The following ILKAP variants were observed in gnomAD, a reference collection of about 807,000 sequenced individuals.
ILKAP encodes the protein integrin-linked kinase-associated serine/threonine phosphatase 2C.
Under a neutral mutation model 49.1 loss-of-function variants are expected in ILKAP, and 11 were observed. The observed-to-expected ratio is 0.22, with a 90% CI of 0.14 to 0.37. The LOEUF (loss-of-function observed/expected upper bound fraction) is 0.37. Ranked by LOEUF, ILKAP falls within the 10% of genes least tolerant of loss-of-function variation. The pLI is 1.00. For missense variants in ILKAP, 363 were observed against 510.8 expected (o/e 0.71, Z 2.79); for synonymous variants, 186 against 192.8 (o/e 0.96, Z 0.29).
intron 2 of ILKAP, 168 bp downstream of exon 2, chr2:238,194,634 TAGC>T (rs1694271952): frequency 1.5e-6 from 1 of 660,216 alleles, no homozygotes; most frequent in Non-Finnish European, 2.6e-6. Flanking sequence ...GGCTAGCGAC[TAGC>T]AGATTTTTCT....
rs202007912 is a variant in ILKAP at position 238,184,009 on chromosome 2, G to A, written c.626+11C>T. On this transcript the variant is annotated intron_variant, in intron 7 of 11. Transcript: ENST00000254654. ...CAGTCCACTCAAACTTCATCATCAAGTTATACTTACTGGCTGGAAGCTTGT... is the reference window on the plus strand; with the variant it reads ...CAGTCCACTCAAACTTCATCATCAAATTATACTTACTGGCTGGAAGCTTGT... 9.4e-5 allele frequency: 144 copies of A among 1,533,618 alleles called. No homozygotes were observed. The highest frequency in any genetic ancestry group is 1.7e-4 in the Middle Eastern group (1 of 5,932).
At chr2:238,177,480 T>A (rs1693510901) in intron 9 of ILKAP, among the ~76,000 whole-genome samples, 1 of 152,158 alleles carries the variant, frequency 6.6e-6, no homozygotes, top group African/African-American at 2.4e-5. Flanking sequence ...AACCCCACGA[T>A]TCATTCCCCA....
intron 3 of ILKAP, among the ~76,000 whole-genome samples, chr2:238,190,848 C>A (rs1694088809): frequency 1.4e-5 from 2 of 138,084 alleles, no homozygotes; most frequent in Admixed American, 1.6e-4. Context: ...TTGAGACCTG[C>A]CTGGGCAAAG....
chr2:238,173,983 A>G (rs1196818289), intron 9 of ILKAP: 1 of 252,398 alleles, frequency 4.0e-6, no homozygotes, highest in Non-Finnish European at 7.6e-6. Context: ...ATCGGATTTG[A>G]CTGACTGGGT....
chr2:238,183,263 G>A (rs2106332167), intron 8 of ILKAP, among the ~76,000 whole-genome samples: 1 of 152,296 alleles, frequency 6.6e-6, no homozygotes, highest in South Asian at 2.1e-4. Context: ...AACTTTGATA[G>A]GCAGGGGTTA....
At chr2:238,184,767 T>C (rs1693837248) in intron 6 of ILKAP, among the ~76,000 whole-genome samples, 1 of 151,782 alleles carries the variant, frequency 6.6e-6, no homozygotes, top group African/African-American at 2.4e-5. Context: ...TCTCCCTATG[T>C]TGCCAGGCTG....
intron 5 of ILKAP, chr2:238,186,871 T>C (rs1003184031): frequency 1.3e-5 from 2 of 152,340 alleles, no homozygotes; most frequent in Middle Eastern, 3.4e-3. Context: ...TGCCTGTTAT[T>C]TGCAAGGCAT....
At chr2:238,197,003 C>T (rs1203895316) in intron 1 of ILKAP, among the ~76,000 whole-genome samples, 6 of 152,136 alleles carry the variant, frequency 3.9e-5, no homozygotes, top group Non-Finnish European at 5.9e-5. Context: ...TCAAGATGAG[C>T]CTGACCAACA....
intron 1 of ILKAP, among the ~76,000 whole-genome samples, chr2:238,198,427 C>T (rs1329639442): frequency 6.6e-6 from 1 of 151,910 alleles, no homozygotes; most frequent in Non-Finnish European, 1.5e-5. Flanking sequence ...TTTGTAGAGA[C>T]GGGGTCTCAC....
Position 238,178,495 on chromosome 2 carries a change from A to G in ILKAP, c.836+3570T>C, listed in dbSNP as rs1186359410. 5.3e-5 allele frequency among the ~76,000 whole-genome samples: 8 copies of G among 152,344 alleles called. No individual in the cohort carries two copies. In the East Asian group the frequency reaches 1.3e-3, roughly 26 times the overall value. On this transcript the variant is annotated intron_variant, in intron 9 of 11. Transcript: ENST00000254654. ...TGAGCCCTCTGCTCCCCTAGTAGTGATAATTTTGATACTATGAAACTGTTT... is the reference window on the plus strand; with the variant it reads ...TGAGCCCTCTGCTCCCCTAGTAGTGGTAATTTTGATACTATGAAACTGTTT...
chr2:238,200,717 G>C (rs1299835897), intron 1 of ILKAP, among the ~76,000 whole-genome samples: 1 of 152,206 alleles, frequency 6.6e-6, no homozygotes, highest in East Asian at 1.9e-4. Context: ...AGCTACCAAG[G>C]AGGCTGAGGT....
intron 4 of ILKAP, 149 bp from the exon 5 acceptor site, chr2:238,188,406 CT>C: frequency 9.1e-6 from 8 of 877,644 alleles, no homozygotes; most frequent in Non-Finnish European, 1.3e-5. Flanking sequence ...CTTAAGGCAT[CT>C]CCCCCAGCTG....
intron 9 of ILKAP, among the ~76,000 whole-genome samples, chr2:238,177,954 C>T (rs1010798374): frequency 2.0e-5 from 3 of 152,130 alleles, no homozygotes; most frequent in Non-Finnish European, 1.5e-5. Flanking sequence ...CAGGGGTTCT[C>T]ATTTTCTCCC....
intron 1 of ILKAP, among the ~76,000 whole-genome samples, chr2:238,200,476 G>A (rs1393095502): frequency 2.0e-5 from 3 of 152,228 alleles, no homozygotes; most frequent in East Asian, 1.9e-4. Flanking sequence ...TGGACACTCA[G>A]TGCTTTCCCA....
chr2:238,194,215 A>G (rs3795903), intron 3 of ILKAP, 60 bp downstream of exon 3: 468,249 of 1,429,134 alleles, frequency 0.33, 78,876 homozygotes, highest in South Asian at 0.38. Context: ...TAAATTTCAC[A>G]TAAGAGTAAA....
chr2:238,191,798 G>A (rs1307784559), intron 3 of ILKAP, among the ~76,000 whole-genome samples: 3 of 151,984 alleles, frequency 2.0e-5, no homozygotes, highest in African/African-American at 7.3e-5. Flanking sequence ...CCAGCTACTC[G>A]GGAGGCTGAG....
intron 9 of ILKAP, among the ~76,000 whole-genome samples, chr2:238,181,253 C>T (rs972228923): frequency 2.0e-5 from 3 of 152,134 alleles, no homozygotes; most frequent in African/African-American, 7.2e-5. Context: ...TGACATCTCT[C>T]TTATCTCTGG....
At chr2:238,193,421 A>G (rs1467510748) in intron 3 of ILKAP, among the ~76,000 whole-genome samples, 1 of 152,168 alleles carries the variant, frequency 6.6e-6, no homozygotes, top group Admixed American at 6.5e-5. Flanking sequence ...GGGTTTCGCC[A>G]TGTTGGCCAG....
At chr2:238,188,086 A>G in intron 5 of ILKAP, 45 bp downstream of exon 5, 3 of 1,608,364 alleles carry the variant, frequency 1.9e-6, no homozygotes, top group Non-Finnish European at 2.6e-6. Context: ...GTCAGAACCC[A>G]GGAGATGTTA....
Sources: gnomAD v4.1 joint callset for allele counts (sites outside exome capture counted in the v4.1 genomes callset) on GRCh38, gnomAD v4.1.1 for gene constraint, MANE v1.5 for transcripts, NCBI Gene and HGNC (gene_info 2026-07-23, HGNC 2026-07-21) for gene names.